Variants in TTC28 observed in about 807,000 individuals in gnomAD.
TTC28 encodes the protein tetratricopeptide repeat protein 28.
TTC28 carries 61 observed loss-of-function variants against 198.0 expected under a neutral mutation model. The observed-to-expected ratio is 0.31, with a 90% confidence interval of 0.25 to 0.38. The LOEUF (loss-of-function observed/expected upper bound fraction) is 0.38. Ranked by LOEUF, TTC28 falls within the 10% of genes least tolerant of loss-of-function variation. The pLI is 1.00. For synonymous variants in TTC28, 1,171 were observed against 1,297.8 expected, an observed-to-expected ratio of 0.90 and a Z score of 2.10; for missense variants, 2,678 against 3,164.0, an observed-to-expected ratio of 0.85 and a Z score of 3.69.
At chr22:28,659,127 G>A (rs1159125789) in intron 1 of TTC28, among the ~76,000 whole-genome samples, 1 of 152,194 alleles carries the variant, frequency 6.6e-6, no homozygotes, top group African/African-American at 2.4e-5. Context: ...GCACCTTGAC[G>A]TTGAACTTCC....
chr22:28,389,735 TTTTC>T (rs1215939832), intron 2 of TTC28, among the ~76,000 whole-genome samples: 2 of 148,456 alleles, frequency 1.3e-5, no homozygotes, highest in African/African-American at 5.0e-5. Flanking sequence ...TTCTCTCTTT[TTTTC>T]TTTATTAGTC....
intron 1 of TTC28, among the ~76,000 whole-genome samples, chr22:28,662,963 C>T (rs2051771718): frequency 1.3e-5 from 2 of 151,910 alleles, no homozygotes; most frequent in Non-Finnish European, 2.9e-5. Context: ...TGATAAGAAA[C>T]TTCCACCGGG....
At chr22:28,277,734 T>C (rs1271543759) in intron 5 of TTC28, among the ~76,000 whole-genome samples, 3 of 152,224 alleles carry the variant, frequency 2.0e-5, no homozygotes, top group Non-Finnish European at 4.4e-5. Flanking sequence ...TGTAATGTTA[T>C]GAAAAATCAT....
chr22:28,021,409 C>T (rs1938590474), intron 13 of TTC28, among the ~76,000 whole-genome samples: 1 of 152,076 alleles, frequency 6.6e-6, no homozygotes. Flanking sequence ...AGGAAGGGTA[C>T]CACCTGAGGA....
chr22:28,591,030 C>CAT (rs2050420189), intron 2 of TTC28, among the ~76,000 whole-genome samples: 16 of 68,512 alleles, frequency 2.3e-4, no homozygotes, highest in Middle Eastern at 6.8e-3. Context: ...CACACACACA[C>CAT]ACACACACAC....
chr22:28,306,640 A>C lies in TTC28; in HGVS notation c.385T>G (p.Tyr129Asp). 1.3e-6 allele frequency: 2 copies of C among 1,551,438 alleles called. No homozygotes were observed. Among genetic ancestry groups the C allele is most frequent in the Non-Finnish European group, 1.7e-6 (2 of 1,146,988 alleles). The change falls in exon 3 of 23, where the codon TAC (tyrosine) becomes GAC (aspartate). Residue 129 changes from tyrosine (Y) to aspartate (D), a missense_variant. Tyr to Asp is a radical substitution (Grantham distance 160). This residue lies in a region of TTC28 where 176 missense variants were observed against 197.9 expected (regional missense o/e 0.89). Coordinates refer to ENST00000397906, the MANE Select transcript of TTC28 (RefSeq NM_001145418.2). The stretch of plus-strand genomic sequence containing the variant: ...TGGAGGGCAACACCCTGTCGGAAGT[A>C]TGCCTAGAAATAAAAGATATATAAG... Reference protein sequence around the residue: ...RLLNPKWPKAYFRQGVALQYL... With the variant: ...RLLNPKWPKADFRQGVALQYL...
At chr22:28,481,463 A>G (rs1448676220) in intron 2 of TTC28, among the ~76,000 whole-genome samples, 1 of 152,204 alleles carries the variant, frequency 6.6e-6, no homozygotes, top group African/African-American at 2.4e-5. Context: ...TAGAACATAC[A>G]TAAAAGGATA....
At chr22:28,110,407 TGA>T (rs754053505) in intron 6 of TTC28, among the ~76,000 whole-genome samples, 2 of 152,184 alleles carry the variant, frequency 1.3e-5, no homozygotes, top group African/African-American at 2.4e-5. Flanking sequence ...TAGGTGATAG[TGA>T]GGATCAAATG....
chr22:28,287,966 G>A (rs543918267), intron 5 of TTC28, among the ~76,000 whole-genome samples: 151 of 152,182 alleles, frequency 9.9e-4, no homozygotes, highest in African/African-American at 3.3e-3. Flanking sequence ...TTTTCAAGGA[G>A]TATCTTGTTT....
chr22:28,556,013 T>G (rs561647906), intron 2 of TTC28, among the ~76,000 whole-genome samples: 1 of 151,958 alleles, frequency 6.6e-6, no homozygotes, highest in Non-Finnish European at 1.5e-5. Context: ...AATATACCCT[T>G]TAGTGAAGGG....
chr22:28,613,809 C>T (rs1225330041), intron 2 of TTC28, among the ~76,000 whole-genome samples: 1 of 152,112 alleles, frequency 6.6e-6, no homozygotes, highest in African/African-American at 2.4e-5. Context: ...ATAATAAGAA[C>T]TATTTATGAT....
At chr22:28,166,045 C>G (rs1569173932) in intron 5 of TTC28, among the ~76,000 whole-genome samples, 1 of 152,094 alleles carries the variant, frequency 6.6e-6, no homozygotes, top group South Asian at 2.1e-4. Flanking sequence ...TCGGGTAAAA[C>G]AGACTTTAAA....
chr22:28,283,483 T>G (rs545060090), intron 5 of TTC28, among the ~76,000 whole-genome samples: 1 of 152,268 alleles, frequency 6.6e-6, no homozygotes, highest in South Asian at 2.1e-4. Flanking sequence ...GTCAGGATGA[T>G]GTCATCAAAA....
intron 5 of TTC28, among the ~76,000 whole-genome samples, chr22:28,286,100 C>T (rs561138958): frequency 1.8e-4 from 28 of 151,824 alleles, no homozygotes; most frequent in African/African-American, 5.1e-4. Context: ...CCTGGGTTCA[C>T]GCCATTCTCC....
chr22:28,373,255 G>GA (rs562007208), intron 2 of TTC28, among the ~76,000 whole-genome samples: 313 of 135,602 alleles, frequency 2.3e-3, no homozygotes, highest in Middle Eastern at 3.8e-3. Flanking sequence ...TACAAATGTT[G>GA]AAAAAAAAAA....
chr22:28,157,591 T>G (rs1459080689), intron 6 of TTC28, among the ~76,000 whole-genome samples: 1 of 152,168 alleles, frequency 6.6e-6, no homozygotes, highest in Non-Finnish European at 1.5e-5. Context: ...CATGACCTAG[T>G]GGGATTTATC....
chr22:28,211,572 G>T (rs993239012), intron 5 of TTC28, among the ~76,000 whole-genome samples: 3 of 152,176 alleles, frequency 2.0e-5, no homozygotes, highest in Non-Finnish European at 2.9e-5. Context: ...AATTCAACAA[G>T]AAGACCTAAC....
At chr22:28,202,875 T>C (rs922574902) in intron 5 of TTC28, among the ~76,000 whole-genome samples, 2 of 152,148 alleles carry the variant, frequency 1.3e-5, no homozygotes, top group Non-Finnish European at 2.9e-5. Flanking sequence ...TCCACATTTG[T>C]CTCAAATTTT....
intron 2 of TTC28, among the ~76,000 whole-genome samples, chr22:28,440,186 T>C (rs1175380842): frequency 6.6e-6 from 1 of 152,138 alleles, no homozygotes; most frequent in Non-Finnish European, 1.5e-5. Flanking sequence ...CATATAAGTA[T>C]ATACTTGTGA....
Sources: allele counts gnomAD v4.1 joint callset (sites outside exome capture counted in the v4.1 genomes callset), GRCh38; gene constraint gnomAD v4.1.1; regional missense constraint gnomAD v4.1.1; transcripts MANE v1.5; gene names NCBI Gene and HGNC (gene_info 2026-07-23, HGNC 2026-07-21).